Variants in SPATA31F1 observed in about 807,000 individuals in gnomAD.
SPATA31F1 encodes the protein protein SPATA31F1.
At chr9:34,724,975 G>T in the SPATA31F1 span, 1 of 1,551,868 alleles carries the variant, frequency 6.4e-7, no homozygotes, top group East Asian at 2.4e-5. Context: ...GGTGTTCAGT[G>T]ACAGTACCTG....
At chr9:34,724,116 G>C in the SPATA31F1 span, 1 of 1,530,432 alleles carries the variant, frequency 6.5e-7, no homozygotes, top group African/African-American at 1.4e-5. Flanking sequence ...GCTAGCATGG[G>C]GACATGGGCT....
At chr9:34,724,033 G>A in the SPATA31F1 span, 1 of 1,537,954 alleles carries the variant, frequency 6.5e-7, no homozygotes, top group Non-Finnish European at 8.8e-7. Context: ...TGGTTGAGGA[G>A]CGCCCAAACC....
the SPATA31F1 span, chr9:34,723,970 G>C: frequency 6.4e-7 from 1 of 1,550,990 alleles, no homozygotes; most frequent in Non-Finnish European, 8.7e-7. Flanking sequence ...GGGGTGTCTT[G>C]TTTGGAAGCA....
At chr9:34,726,102 T>C in the SPATA31F1 span, 4 of 1,485,768 alleles carry the variant, frequency 2.7e-6, no homozygotes, top group South Asian at 4.9e-5. Flanking sequence ...TCTGGGTTCA[T>C]TGTGGACCAT....
the SPATA31F1 span, chr9:34,728,005 A>C: frequency 1.3e-6 from 2 of 1,551,026 alleles, no homozygotes; most frequent in East Asian, 2.4e-5. Context: ...GATAGAGTGC[A>C]AAGAGCAATA....
At chr9:34,723,568 G>C in the SPATA31F1 span, 1 of 1,551,760 alleles carries the variant, frequency 6.4e-7, no homozygotes, top group Non-Finnish European at 8.7e-7. Context: ...CTTTTGTCTT[G>C]GGGTTAATAT....
chr9:34,723,934 G>T, the SPATA31F1 span: 4 of 1,551,416 alleles, frequency 2.6e-6, no homozygotes, highest in South Asian at 3.6e-5. Context: ...CAAGATGAAA[G>T]CTACGGCTCC....
At chr9:34,727,684 G>T in the SPATA31F1 span, among the ~76,000 whole-genome samples, 3 of 152,288 alleles carry the variant, frequency 2.0e-5, no homozygotes, top group Admixed American at 6.5e-5. Context: ...ATAAGACAAG[G>T]ATGACTTCTT....
chr9:34,723,181 C>A, the SPATA31F1 span: 1 of 1,517,046 alleles, frequency 6.6e-7, no homozygotes, highest in South Asian at 1.3e-5. Context: ...CATGGCTCTG[C>A]ATGTTCTCCT....
chr9:34,723,825 G>C, the SPATA31F1 span: 1 of 1,551,728 alleles, frequency 6.4e-7, no homozygotes, highest in Non-Finnish European at 8.7e-7. Flanking sequence ...TGACTGTCTT[G>C]CAGGTCCTTC....
the SPATA31F1 span, chr9:34,728,649 G>T: frequency 6.4e-7 from 1 of 1,551,416 alleles, no homozygotes; most frequent in East Asian, 2.4e-5. Flanking sequence ...TGACTTTTTG[G>T]TGACACTTAG....
At chr9:34,723,472 T>C in the SPATA31F1 span, 8 of 1,551,712 alleles carry the variant, frequency 5.2e-6, no homozygotes, top group African/African-American at 1.1e-4. Context: ...GGCTCTTGGC[T>C]GGAGCCAGGC....
At chr9:34,728,712 CA>C in the SPATA31F1 span, 1 of 1,430,254 alleles carries the variant, frequency 7.0e-7, no homozygotes, top group Non-Finnish European at 9.6e-7. Flanking sequence ...TTCTCATGTC[CA>C]AAATGAGACA....
At chr9:34,728,004 CA>C in the SPATA31F1 span, 6 of 1,550,728 alleles carry the variant, frequency 3.9e-6, no homozygotes, top group Non-Finnish European at 5.2e-6. Flanking sequence ...TGATAGAGTG[CA>C]AAGAGCAATA....
the SPATA31F1 span, chr9:34,725,891 C>T: frequency 6.4e-7 from 1 of 1,552,114 alleles, no homozygotes. Context: ...GCCTTGAGAT[C>T]CCATGAAAGT....
the SPATA31F1 span, among the ~76,000 whole-genome samples, chr9:34,727,512 T>C: frequency 4.6e-5 from 7 of 152,162 alleles, no homozygotes; most frequent in African/African-American, 1.7e-4. Flanking sequence ...CTAGAGCTCT[T>C]AAGGAGAGGA....
At chr9:34,728,617 G>A in the SPATA31F1 span, 1 of 1,550,698 alleles carries the variant, frequency 6.4e-7, no homozygotes, top group East Asian at 2.4e-5. Context: ...ACCTGTTGAT[G>A]CTGCATCTCT....
At chr9:34,726,698 A>G in the SPATA31F1 span, 3 of 1,551,658 alleles carry the variant, frequency 1.9e-6, no homozygotes, top group South Asian at 1.2e-5. Flanking sequence ...TGACTGGGTT[A>G]AAGATTTCTG....
the SPATA31F1 span, chr9:34,728,654 A>C: frequency 6.4e-7 from 1 of 1,551,420 alleles, no homozygotes; most frequent in Admixed American, 2.0e-5. Context: ...TTTTGGTGAC[A>C]CTTAGAAGAC....
Sources: allele counts gnomAD v4.1 joint callset (sites outside exome capture counted in the v4.1 genomes callset), GRCh38; gene constraint gnomAD v4.1.1; transcripts MANE v1.5; gene names NCBI Gene and HGNC (gene_info 2026-07-23, HGNC 2026-07-21).